The following SHPK variants were observed in gnomAD, a reference collection of about 807,000 sequenced individuals.
The protein encoded by SHPK is carbohydrate kinase-like protein.
Under a neutral mutation model 46.3 loss-of-function variants are expected in SHPK, and 51 were observed. The observed-to-expected ratio is 1.10, with a 90% CI of 0.88 to 1.39. The LOEUF (loss-of-function observed/expected upper bound fraction) is 1.39, where lower values mean the gene tolerates loss of function less well. SHPK is among the 40% of genes most tolerant of loss of function. The probability of loss-of-function intolerance (pLI) is 0.00; values close to 1 mark genes in which losing one functional copy is unlikely to be tolerated. For missense variants in SHPK, 668 were observed against 641.3 expected (o/e 1.04, Z -0.45); for synonymous variants, 290 against 273.9 (o/e 1.06, Z -0.58).
chr17:3,635,536 A>G (rs1277147229), intron 1 of SHPK, among the ~76,000 whole-genome samples: 4 of 152,130 alleles, frequency 2.6e-5, no homozygotes, highest in Non-Finnish European at 4.4e-5. Flanking sequence ...CGCCCGGCTG[A>G]CCAAAGGTTT....
In SHPK at chr17:3,610,251, G is replaced by C. The variant is rs2075328043; in HGVS notation, c.*309C>G. 1 of 317,742 alleles carries C rather than the reference G, an allele frequency of 3.1e-6. No individual in the cohort carries two copies. The highest frequency in any genetic ancestry group is 4.2e-5 in the Admixed American group (1 of 23,720). The allele number at this position is 317,742 out of a possible 1,614,324, so 19.7% of individuals were successfully genotyped here. ...GCTCTCTGTCTACAGGTGAACCACA[G>C]ATGAGCCTGCTGACCAGCAGGCTGG... is the stretch of plus-strand genomic sequence containing the variant. On this transcript the variant is annotated 3_prime_UTR_variant, in exon 7 of 7. Coordinates refer to ENST00000225519, the MANE Select transcript of SHPK (RefSeq NM_013276.4).
At chr17:3,621,532 C>T in intron 4 of SHPK, 120 bp from the exon 5 acceptor site, 6 of 810,718 alleles carry the variant, frequency 7.4e-6, no homozygotes, top group Non-Finnish European at 1.1e-5. Flanking sequence ...CCTTTCCTTT[C>T]CTCCCTCCCT....
At position 3,615,504 on chromosome 17, in the gene SHPK, G is replaced by C; in HGVS notation, c.857C>G (p.Ala286Gly). Reference protein sequence around the residue: ...LNISTSVQLAASMPSGFQPAQ... With the variant: ...LNISTSVQLAGSMPSGFQPAQ... ...AGGCTGGAATCCTGAAGGCATGGAG[G>C]CTGCCAGCTGAACCGAGGTGCTGAT... The change falls in exon 6 of 7, where the codon GCC becomes GGC. Residue 286 changes from alanine (A) to glycine (G), a missense_variant. Transcript: ENST00000225519. 3.1e-6 allele frequency: 5 copies of C among 1,614,192 alleles called. No individual in the cohort carries two copies. The highest frequency in any genetic ancestry group is 4.2e-6 in the Non-Finnish European group (5 of 1,180,028).
In SHPK at chr17:3,636,236, G is replaced by C. The variant is rs2075526593; in HGVS notation, c.-17C>G. ...CGCAGCCATTATCTCCCTGACCCGC[G>C]CAGCTCCAGTCTGCAGCCAGCGGCC... is the stretch of plus-strand genomic sequence containing the variant. On this transcript the variant is annotated 5_prime_UTR_variant, in exon 1 of 7. Coordinates refer to ENST00000225519, the MANE Select transcript of SHPK (RefSeq NM_013276.4). 1 of 1,588,622 alleles carries C rather than the reference G, an allele frequency of 6.3e-7. No individual in the cohort carries two copies. The highest frequency in any genetic ancestry group is 1.7e-5 in the Admixed American group (1 of 58,248).
At chr17:3,620,374 C>T (rs59725028) in intron 5 of SHPK, among the ~76,000 whole-genome samples, 21,230 of 151,826 alleles carry the variant, frequency 0.14, 4,919 homozygotes, top group African/African-American at 0.48. Context: ...CATTCTCCTG[C>T]CTCAGCCTCC....
chr17:3,622,521 C>A (rs1366859440), intron 4 of SHPK: 2 of 921,714 alleles, frequency 2.2e-6, no homozygotes, highest in Non-Finnish European at 2.6e-6. Context: ...CAACTTCACA[C>A]AACATGCTGG....
At chr17:3,626,350 C>T (rs2075437085) in intron 2 of SHPK, among the ~76,000 whole-genome samples, 1 of 152,086 alleles carries the variant, frequency 6.6e-6, no homozygotes, top group South Asian at 2.1e-4. Flanking sequence ...AAGATTTCCT[C>T]CTCTCCATTT....
At chr17:3,632,235 G>A (rs1399570710) in intron 1 of SHPK, among the ~76,000 whole-genome samples, 1 of 152,186 alleles carries the variant, frequency 6.6e-6, no homozygotes, top group Non-Finnish European at 1.5e-5. Flanking sequence ...CATTACAGGC[G>A]TGAGCCACCG....
At chr17:3,622,461 C>T (rs984904953) in intron 4 of SHPK, 5 of 421,048 alleles carry the variant, frequency 1.2e-5, no homozygotes, top group Non-Finnish European at 1.6e-5. Context: ...GCAGCAGGCT[C>T]CTGAATATCA....
In SHPK at chr17:3,623,458, A is replaced by G; in HGVS notation, c.528T>C (p.Gly176=). The change falls in exon 4 of 7, where the codon GGT becomes GGC. Residue 176 remains glycine (G), a synonymous_variant. Coordinates refer to ENST00000225519, the MANE Select transcript of SHPK (RefSeq NM_013276.4). ...TGGCAACCACATAGTCGTGGATGGTACCGGCTGCGTCGTAGGACTTCAGGA... is the reference window on the plus strand; with the variant it reads ...TGGCAACCACATAGTCGTGGATGGTGCCGGCTGCGTCGTAGGACTTCAGGA... ...PEFLKSYDAA[G]TIHDYVVAML... The G allele has an allele frequency of 6.2e-7, 1 of 1,614,192 alleles. No individual in the cohort carries two copies. The highest frequency in any genetic ancestry group is 1.1e-5 in the South Asian group (1 of 91,086).
At chr17:3,615,681 C>T (rs546577892) in intron 5 of SHPK, 144 bp from the exon 6 acceptor site, 3 of 606,720 alleles carry the variant, frequency 4.9e-6, no homozygotes, top group Admixed American at 2.9e-5. Flanking sequence ...GGTGGCCTGT[C>T]AGGCTAACTC....
chr17:3,610,168 T>C lies in SHPK; in HGVS notation c.*392A>G, dbSNP rs3744683. Reference sequence around the variant, plus strand: ...CAAGCTGGGCATGGGGCAGTTCTCTTTTCCCACTTGGGACCAAAGCCACCA... The same window carrying C: ...CAAGCTGGGCATGGGGCAGTTCTCTCTTCCCACTTGGGACCAAAGCCACCA... On this transcript the variant is annotated 3_prime_UTR_variant, in exon 7 of 7. Coordinates refer to ENST00000225519, the MANE Select transcript of SHPK (RefSeq NM_013276.4). The C allele has an allele frequency of 0.14, 24,744 of 174,708 alleles. 5,311 individuals are homozygous for C. The highest frequency in any genetic ancestry group is 0.49 in the African/African-American group (20,885 of 42,396). The allele number at this position is 174,708 out of a possible 1,614,324, so 10.8% of individuals were successfully genotyped here. A position where few individuals can be genotyped will look rare whatever the true frequency, so the allele number is the denominator to read the frequency against.
chr17:3,628,841 G>A (rs2075453817), intron 2 of SHPK, among the ~76,000 whole-genome samples: 1 of 152,040 alleles, frequency 6.6e-6, no homozygotes, highest in Admixed American at 6.6e-5. Context: ...TAGAGATGGG[G>A]TCCCACTATG....
chr17:3,635,232 A>AGGAAGGAAGGAAGGAT, intron 1 of SHPK, among the ~76,000 whole-genome samples: 1 of 132,438 alleles, frequency 7.6e-6, no homozygotes. Flanking sequence ...GAAGGAAGGA[A>AGGAAGGAAGGAAGGAT]GGAAGGAAGG....
intron 5 of SHPK, among the ~76,000 whole-genome samples, chr17:3,616,211 T>C (rs997499444): frequency 2.0e-5 from 3 of 152,124 alleles, no homozygotes; most frequent in Non-Finnish European, 4.4e-5. Flanking sequence ...TGGGCTGGAC[T>C]TAGTGACTCA....
In SHPK at chr17:3,621,311, C is replaced by G; in HGVS notation, c.749G>C (p.Gly250Ala). 3.7e-6 allele frequency: 6 copies of G among 1,614,138 alleles called. No individual in the cohort carries two copies. The highest frequency in any genetic ancestry group is 5.1e-6 in the Non-Finnish European group (6 of 1,180,002). ...TSHMWFEIPK[G>A]TQVGVALGDL... ...ACCCAAGGCCACTCCCACCTGCGTC[C>G]CCTTTGGGATTTCAAACCACATGTG... The change falls in exon 5 of 7, where the codon GGG becomes GCG. Residue 250 changes from glycine to alanine, a missense_variant. By Grantham distance (60) the Gly-to-Ala change is moderately conservative. Coordinates refer to ENST00000225519, the MANE Select transcript of SHPK (RefSeq NM_013276.4).
At chr17:3,626,259 G>C (rs970727376) in intron 2 of SHPK, among the ~76,000 whole-genome samples, 3 of 152,106 alleles carry the variant, frequency 2.0e-5, no homozygotes, top group Non-Finnish European at 2.9e-5. Context: ...TCTCCTCTTT[G>C]ACATTCTATG....
chr17:3,635,911 G>T, intron 1 of SHPK, 141 bp downstream of exon 1: 1 of 831,054 alleles, frequency 1.2e-6, no homozygotes, highest in Non-Finnish European at 1.8e-6. Flanking sequence ...GCTGCTGCAG[G>T]CAGACGGGCC....
Position 3,615,359 on chromosome 17 carries a change from C to A in SHPK, c.1002G>T (p.Leu334=), listed in dbSNP as rs770359663. 2.5e-6 allele frequency: 4 copies of A among 1,614,026 alleles called. No homozygotes were observed. The African/African-American group carries it at 4.0e-5, about 16-fold the overall frequency. The part of the protein sequence containing the change: ...GNVLATFVHM[L]VQWMADLGLE... ...TACCTAGATCTGCCATCCACTGAAC[C>A]AGCATGTGGACGAACGTGGCCAGCA... Residue 334 remains leucine (L), a synonymous_variant, in exon 6 of 7, where the codon CTG becomes CTT. Transcript: ENST00000225519.
Sources: allele counts gnomAD v4.1 joint callset (sites outside exome capture counted in the v4.1 genomes callset), GRCh38; gene constraint gnomAD v4.1.1; transcripts MANE v1.5; gene names NCBI Gene and HGNC (gene_info 2026-07-23, HGNC 2026-07-21).